LHPP: variants seen among roughly 807,000 people sequenced by gnomAD.
The protein encoded by LHPP is phospholysine phosphohistidine inorganic pyrophosphate phosphatase, also known as hLHPP.
A neutral mutation model predicts 30.3 loss-of-function variants in LHPP; 24 were observed. That is an observed-to-expected ratio of 0.79 (90% CI 0.57 to 1.11). The LOEUF (loss-of-function observed/expected upper bound fraction) is 1.11, where lower values mean the gene tolerates loss of function less well. Ranked by LOEUF, LHPP falls within the 50% of genes most tolerant of loss-of-function variation. The probability of loss-of-function intolerance (pLI) is 0.00; values close to 1 mark genes in which losing one functional copy is unlikely to be tolerated. For missense variants in LHPP, 356 were observed against 367.2 expected (o/e 0.97, Z 0.25); for synonymous variants, 150 against 157.1 (o/e 0.95, Z 0.34).
chr10:124,491,471 T>C (rs1953524610), intron 3 of LHPP, among the ~76,000 whole-genome samples: 1 of 152,224 alleles, frequency 6.6e-6, no homozygotes, highest in African/African-American at 2.4e-5. Context: ...ATTGCTGTTT[T>C]GCAAGTGGGG....
At position 124,562,979 on chromosome 10, in the gene LHPP, C is replaced by T. The variant is rs146032209; in HGVS notation, c.716+45708C>T. On this transcript the variant is annotated intron_variant, in intron 6 of 6. Coordinates refer to ENST00000368842, the MANE Select transcript of LHPP (RefSeq NM_022126.4). ...AAAAGAATGACTAAAATAAAAAATG[C>T]CGATGAGAACAGTGAGAATCTGAAT... is the stretch of plus-strand genomic sequence containing the variant. Among the ~76,000 whole-genome samples the T allele has an allele frequency of 4.6e-5, 7 of 151,294 alleles. No homozygotes were observed. The East Asian group carries it at 9.7e-4, about 21-fold the overall frequency.
intron 6 of LHPP, among the ~76,000 whole-genome samples, chr10:124,540,190 G>A (rs1955147125): frequency 6.6e-6 from 1 of 152,166 alleles, no homozygotes; most frequent in Non-Finnish European, 1.5e-5. Flanking sequence ...GAGATGCTGT[G>A]GGTGGGTGGG....
chr10:124,574,044 C>T (rs78553548), intron 6 of LHPP, among the ~76,000 whole-genome samples: 5,053 of 152,238 alleles, frequency 0.033, 135 homozygotes, highest in East Asian at 0.13. Context: ...GAGCACCTGG[C>T]GTGGTCCAGG....
intron 6 of LHPP, among the ~76,000 whole-genome samples, chr10:124,560,682 C>G: frequency 6.6e-6 from 1 of 152,136 alleles, no homozygotes; most frequent in East Asian, 1.9e-4. Context: ...TAGCCGGGGA[C>G]GAGGGGCTGG....
At chr10:124,473,622 C>A (rs976020893) in intron 1 of LHPP, among the ~76,000 whole-genome samples, 1 of 152,106 alleles carries the variant, frequency 6.6e-6, no homozygotes, top group Non-Finnish European at 1.5e-5. Context: ...AATTCCTGTA[C>A]CCAGGCTGCA....
At chr10:124,579,966 A>G (rs1284600238) in intron 6 of LHPP, among the ~76,000 whole-genome samples, 1 of 152,230 alleles carries the variant, frequency 6.6e-6, no homozygotes, top group Non-Finnish European at 1.5e-5. Flanking sequence ...TCTTCTCTTA[A>G]GACTATGATG....
At chr10:124,511,111 A>T (rs7068919) in intron 5 of LHPP, among the ~76,000 whole-genome samples, 3,426 of 152,302 alleles carry the variant, frequency 0.022, 107 homozygotes, top group African/African-American at 0.077. Context: ...TGGAAAAAAC[A>T]CTTTGAATTT....
chr10:124,462,102 C>A, intron 1 of LHPP, 115 bp downstream of exon 1: 1 of 986,226 alleles, frequency 1.0e-6, no homozygotes, highest in Non-Finnish European at 1.3e-6. Context: ...GGCCCCGCCT[C>A]GGTCTCCCCC....
chr10:124,613,602 T>C lies in LHPP; in HGVS notation c.*242T>C. The C allele has an allele frequency of 1.8e-6, 1 of 567,936 alleles. No individual in the cohort carries two copies. Among genetic ancestry groups the C allele is most frequent in the Non-Finnish European group, 3.2e-6 (1 of 315,318 alleles). The allele number at this position is 567,936 out of a possible 1,614,324, so 35.2% of individuals were successfully genotyped here. On this transcript the variant is annotated 3_prime_UTR_variant, in exon 7 of 7. Transcript: ENST00000368842. ...TTTGTTCCCTACCTGGGTGGCCTGC[T>C]CCCCTGCCTGGGCCCTGACTTCAGC...
chr10:124,588,930 C>A (rs1274275913), intron 6 of LHPP, among the ~76,000 whole-genome samples: 1 of 152,216 alleles, frequency 6.6e-6, no homozygotes, highest in African/African-American at 2.4e-5. Flanking sequence ...GAAAACCAGA[C>A]GTCAGTTTCT....
chr10:124,514,572 T>A (rs1295650830), intron 5 of LHPP, among the ~76,000 whole-genome samples: 6 of 152,238 alleles, frequency 3.9e-5, no homozygotes, highest in Admixed American at 3.9e-4. Context: ...TCTTCGTTTC[T>A]CTGTACATAA....
chr10:124,525,634 G>A (rs1954713877), intron 6 of LHPP, among the ~76,000 whole-genome samples: 1 of 152,226 alleles, frequency 6.6e-6, no homozygotes, highest in South Asian at 2.1e-4. Flanking sequence ...TGGCTCAGCA[G>A]GTGAACATGG....
At chr10:124,554,598 C>A (rs2133963559) in intron 6 of LHPP, among the ~76,000 whole-genome samples, 1 of 152,356 alleles carries the variant, frequency 6.6e-6, no homozygotes, top group East Asian at 1.9e-4. Flanking sequence ...GCTGCTGCTG[C>A]TGTCCTTGTC....
chr10:124,541,569 T>C lies in LHPP; in HGVS notation c.716+24298T>C, dbSNP rs1277200704. Among the ~76,000 whole-genome samples, 2 of 152,038 alleles carry C rather than the reference T, an allele frequency of 1.3e-5. No individual in the cohort carries two copies. The highest frequency in any genetic ancestry group is 2.9e-5 in the Non-Finnish European group (2 of 68,006). ...AATGGCAGGCTGAGGCTCGAAAGTC[T>C]CATGCCTGTCTGCAGGACCCCCGCG... On this transcript the variant is annotated intron_variant, in intron 6 of 6. Transcript: ENST00000368842. The surrounding 1 kb of genome is among the most constrained non-coding windows in gnomAD (Gnocchi z 4.2).
chr10:124,600,633 T>G (rs1949009088), intron 6 of LHPP, among the ~76,000 whole-genome samples: 1 of 152,128 alleles, frequency 6.6e-6, no homozygotes, highest in African/African-American at 2.4e-5. Context: ...TCGTGCTGGA[T>G]GGAGCTGGAC....
intron 2 of LHPP, 116 bp downstream of exon 2, chr10:124,484,442 A>C: frequency 9.9e-7 from 1 of 1,015,028 alleles, no homozygotes; most frequent in Non-Finnish European, 1.5e-6. Context: ...TAGGCCACCA[A>C]CACTCATGGG....
intron 1 of LHPP, among the ~76,000 whole-genome samples, chr10:124,475,144 T>C (rs1008606968): frequency 1.3e-5 from 2 of 151,282 alleles, no homozygotes; most frequent in Non-Finnish European, 2.9e-5. Flanking sequence ...TGCCTCAGCC[T>C]CCTGAATAGC....
At chr10:124,499,756 G>C (rs903735048) in intron 5 of LHPP, among the ~76,000 whole-genome samples, 1 of 151,994 alleles carries the variant, frequency 6.6e-6, no homozygotes, top group African/African-American at 2.4e-5. Flanking sequence ...TCCCTCAGGT[G>C]TCAAGCCTGG....
chr10:124,553,885 C>T, intron 6 of LHPP: 1 of 985,468 alleles, frequency 1.0e-6, no homozygotes, highest in Non-Finnish European at 1.2e-6. Flanking sequence ...CCACATCTGT[C>T]TTACCACAGG....
Sources: gnomAD v4.1 joint callset for allele counts (sites outside exome capture counted in the v4.1 genomes callset) on GRCh38, gnomAD v4.1.1 for gene constraint, Gnocchi (gnomAD v3.1) non-coding constraint, MANE v1.5 for transcripts, NCBI Gene and HGNC (gene_info 2026-07-23, HGNC 2026-07-21) for gene names.